TNFRSF10B: variants seen among roughly 807,000 people sequenced by gnomAD.
TNFRSF10B encodes the protein TNF receptor superfamily member 10b, also known as tumor necrosis factor receptor superfamily member 10B.
A neutral mutation model predicts 41.4 loss-of-function variants in TNFRSF10B; 35 were observed. The ratio of observed to expected loss-of-function variants is 0.85; its 90% confidence interval spans 0.65 to 1.12. The LOEUF (loss-of-function observed/expected upper bound fraction) is 1.12. TNFRSF10B is among the 50% of genes most tolerant of loss of function. TNFRSF10B has a pLI of 0.00. For missense variants in TNFRSF10B, 584 were observed against 552.7 expected (o/e 1.06, Z -0.57); for synonymous variants, 230 against 215.5 (o/e 1.07, Z -0.59).
chr8:23,031,529 A>G (rs2128812627), intron 2 of TNFRSF10B, among the ~76,000 whole-genome samples: 1 of 152,038 alleles, frequency 6.6e-6, no homozygotes, highest in South Asian at 2.1e-4. Context: ...CTGGGACTAC[A>G]GGTGCACACC....
chr8:23,030,717 C>T (rs760916382), intron 3 of TNFRSF10B, 42 bp downstream of exon 3: 1 of 1,485,554 alleles, frequency 6.7e-7, no homozygotes, highest in South Asian at 1.2e-5. Context: ...ATGTCATCAC[C>T]CCGCATTCCA....
intron 1 of TNFRSF10B, among the ~76,000 whole-genome samples, chr8:23,064,192 A>G (rs1812916502): frequency 6.6e-6 from 1 of 152,228 alleles, no homozygotes; most frequent in African/African-American, 2.4e-5. Flanking sequence ...AGAGGTGACA[A>G]ATGCCATCGG....
intron 2 of TNFRSF10B, among the ~76,000 whole-genome samples, chr8:23,042,745 C>T (rs1285785942): frequency 6.6e-6 from 1 of 152,216 alleles, no homozygotes; most frequent in East Asian, 1.9e-4. Context: ...ACAGCAGCCC[C>T]CTGCTGTTGC....
intron 1 of TNFRSF10B, among the ~76,000 whole-genome samples, chr8:23,050,390 A>AT (rs1406810810): frequency 3.3e-5 from 5 of 152,166 alleles, no homozygotes; most frequent in Non-Finnish European, 7.3e-5. Context: ...AAGGAGAAAG[A>AT]TTTTTTGAAG....
rs1811465827 is a variant in TNFRSF10B at position 23,020,197 on chromosome 8, C to T, written c.*2474G>A. ...CATAAATACATAAGTATTTTGTACACAATGTGCTTCCTTGTTTGTATTATA... is the reference window on the plus strand; with the variant it reads ...CATAAATACATAAGTATTTTGTACATAATGTGCTTCCTTGTTTGTATTATA... On this transcript the variant is annotated 3_prime_UTR_variant, in exon 9 of 9. Transcript: ENST00000276431. The T allele has an allele frequency of 4.5e-6, 2 of 443,534 alleles. No homozygotes were observed. The highest frequency in any genetic ancestry group is 9.1e-6 in the Non-Finnish European group (2 of 219,292). The allele number at this position is 443,534 out of a possible 1,614,324, so 27.5% of individuals were successfully genotyped here. A position where few individuals can be genotyped will look rare whatever the true frequency, so the allele number is the denominator to read the frequency against.
At chr8:23,049,900 C>G (rs1432372763) in intron 1 of TNFRSF10B, 1 of 152,258 alleles carries the variant, frequency 6.6e-6, no homozygotes, top group Admixed American at 6.5e-5. Context: ...AAGTCGCCAG[C>G]CAGAAGATAA....
chr8:23,055,228 G>C (rs531084699), intron 1 of TNFRSF10B, among the ~76,000 whole-genome samples: 2 of 151,968 alleles, frequency 1.3e-5, no homozygotes, highest in East Asian at 3.9e-4. Context: ...GTTTCAGCAG[G>C]CACTCTCTCT....
At chr8:23,042,280 C>T (rs540135258) in intron 2 of TNFRSF10B, among the ~76,000 whole-genome samples, 111 of 152,350 alleles carry the variant, frequency 7.3e-4, no homozygotes, top group African/African-American at 2.6e-3. Context: ...CTCAGGCAAG[C>T]CTTTCCTGTG....
At chr8:23,040,081 T>G (rs1001547257) in intron 2 of TNFRSF10B, among the ~76,000 whole-genome samples, 10 of 151,628 alleles carry the variant, frequency 6.6e-5, no homozygotes, top group African/African-American at 2.4e-4. Flanking sequence ...CTCAGGAGGC[T>G]GAGGCAGGAA....
At chr8:23,028,124 C>A (rs933593386) in intron 5 of TNFRSF10B, 11 of 666,494 alleles carry the variant, frequency 1.7e-5, no homozygotes, top group East Asian at 2.8e-5. Context: ...GATATGGGGA[C>A]CCCCAGACCT....
In TNFRSF10B at chr8:23,049,230, A is replaced by G. The variant is rs369822509; in HGVS notation, c.145-5987T>C. Among the ~76,000 whole-genome samples, 8 of 152,296 alleles carry G rather than the reference A, an allele frequency of 5.3e-5. No homozygotes were observed. In the East Asian group the frequency reaches 1.5e-3, roughly 29 times the overall value. On this transcript the variant is annotated intron_variant, in intron 1 of 8. Transcript: ENST00000276431. ...GTGGTTAAGTTAAATATTAAAAGCTAAAAAAAGCCAGTGCCCTTATATAAA... is the reference window on the plus strand; with the variant it reads ...GTGGTTAAGTTAAATATTAAAAGCTGAAAAAAGCCAGTGCCCTTATATAAA...
chr8:23,027,455 GC>G, intron 6 of TNFRSF10B, 167 bp from the exon 7 acceptor site: 3 of 887,416 alleles, frequency 3.4e-6, no homozygotes, highest in Non-Finnish European at 3.5e-6. Flanking sequence ...CTGGGGCCAG[GC>G]CCCCAGTGCT....
At chr8:23,053,087 G>A (rs1812570671) in intron 1 of TNFRSF10B, among the ~76,000 whole-genome samples, 1 of 152,168 alleles carries the variant, frequency 6.6e-6, no homozygotes, top group African/African-American at 2.4e-5. Flanking sequence ...AAGAAATGTT[G>A]TACAATTTAA....
At chr8:23,049,400 G>A (rs1812455572) in intron 1 of TNFRSF10B, among the ~76,000 whole-genome samples, 1 of 152,040 alleles carries the variant, frequency 6.6e-6, no homozygotes, top group African/African-American at 2.4e-5. Context: ...AACTCCCCAG[G>A]CCTCCAAAAA....
chr8:23,055,322 C>A (rs1185911955), intron 1 of TNFRSF10B, among the ~76,000 whole-genome samples: 2 of 151,920 alleles, frequency 1.3e-5, no homozygotes, highest in East Asian at 3.9e-4. Context: ...TAACAATGAC[C>A]CTCTCTCAGC....
chr8:23,049,989 T>A (rs1364609539), intron 1 of TNFRSF10B: 2 of 152,264 alleles, frequency 1.3e-5, no homozygotes, highest in Non-Finnish European at 2.9e-5. Flanking sequence ...CAGGTGAGGT[T>A]TCCCCAGGGG....
intron 3 of TNFRSF10B, among the ~76,000 whole-genome samples, chr8:23,030,317 TTTAA>T (rs1156842565): frequency 6.6e-6 from 1 of 152,234 alleles, no homozygotes; most frequent in African/African-American, 2.4e-5. Flanking sequence ...TTATTATTAT[TTTAA>T]TTAATTATTG....
In TNFRSF10B at chr8:23,020,181, A is replaced by ATAAG. The variant is rs1811464883; in HGVS notation, c.*2486_*2489dup. 1 of 428,172 alleles carries ATAAG rather than the reference A, an allele frequency of 2.3e-6. No homozygotes were observed. The highest frequency in any genetic ancestry group is 2.0e-5 in the African/African-American group (1 of 48,794). The allele number at this position is 428,172 out of a possible 1,614,324, so 26.5% of individuals were successfully genotyped here. A position where few individuals can be genotyped will look rare whatever the true frequency, so the allele number is the denominator to read the frequency against. ...AATTTGGTCATGGATTCATAAATAC[A>ATAAG]TAAGTATTTTGTACACAATGTGCTT... On this transcript the variant is annotated 3_prime_UTR_variant, in exon 9 of 9. Transcript: ENST00000276431.
rs750745745 is a variant in TNFRSF10B, at chr8:23,022,926, C to A, written c.1068G>T (p.Pro356=). 3 of 1,613,944 alleles carry A rather than the reference C, an allele frequency of 1.9e-6. No homozygotes were observed. The highest frequency in any genetic ancestry group is 1.7e-5 in the Admixed American group (1 of 59,990). The change falls in exon 9 of 9, where the codon CCG becomes CCT. Residue 356 remains proline, a synonymous_variant. Transcript: ENST00000276431. ...ADLVPFDSWE[P]LMRKLGLMDN... Reference sequence around the variant, plus strand: ...CCATGAGGCCCAACTTCCTCATGAGCGGCTCCCAGGAGTCAAAGGGCACCA... The same window carrying A: ...CCATGAGGCCCAACTTCCTCATGAGAGGCTCCCAGGAGTCAAAGGGCACCA...
Sources: gnomAD v4.1 joint callset for allele counts (sites outside exome capture counted in the v4.1 genomes callset) on GRCh38, gnomAD v4.1.1 for gene constraint, MANE v1.5 for transcripts, NCBI Gene and HGNC (gene_info 2026-07-23, HGNC 2026-07-21) for gene names.